The following ASH1L variants were observed in gnomAD, a reference collection of about 807,000 sequenced individuals.
ASH1L encodes the protein histone-lysine N-methyltransferase ASH1L.
A neutral mutation model predicts 269.0 loss-of-function variants in ASH1L; 23 were observed. That is an observed-to-expected ratio of 0.09 (90% confidence interval 0.06 to 0.12). The LOEUF (loss-of-function observed/expected upper bound fraction) is 0.12, where lower values mean the gene tolerates loss of function less well. Ranked by LOEUF, ASH1L falls within the 10% of genes least tolerant of loss-of-function variation. ASH1L has a pLI of 1.00. For missense variants in ASH1L, 2,912 were observed against 3,567.8 expected (o/e 0.82, Z 4.68); for synonymous variants, 1,187 against 1,253.5 (o/e 0.95, Z 1.12).
intron 12 of ASH1L, among the ~76,000 whole-genome samples, chr1:155,362,454 CT>C (rs1349861835): frequency 6.6e-6 from 1 of 150,934 alleles, no homozygotes; most frequent in Non-Finnish European, 1.5e-5. Flanking sequence ...TTACTGAATG[CT>C]TTTTATAACA....
intron 1 of ASH1L, among the ~76,000 whole-genome samples, chr1:155,556,317 G>A (rs1417478945): frequency 1.3e-5 from 2 of 152,118 alleles, no homozygotes; most frequent in African/African-American, 4.8e-5. Flanking sequence ...AGGATCAACT[G>A]AGCCTGGGAA....
chr1:155,343,769 A>T lies in ASH1L; in HGVS notation c.7982-27T>A. 1 of 1,608,998 alleles carries T rather than the reference A, an allele frequency of 6.2e-7. No homozygotes were observed. Among genetic ancestry groups the T allele is most frequent in the Non-Finnish European group, 8.5e-7 (1 of 1,178,068 alleles). On this transcript the variant is annotated intron_variant, in intron 22 of 27. Transcript: ENST00000392403. The surrounding 1 kb of genome is among the most constrained non-coding windows in gnomAD (Gnocchi z 6.1). ...TAGGAAGACCCAGAACACAGAAGAA[A>T]CATAAAACAATTCTTGTATGAATTC...
At chr1:155,475,806 C>CAA (rs1665491939) in intron 3 of ASH1L, among the ~76,000 whole-genome samples, 1 of 152,228 alleles carries the variant, frequency 6.6e-6, no homozygotes, top group African/African-American at 2.4e-5. Flanking sequence ...GGATCACCTT[C>CAA]TCAGGAAAGA....
intron 24 of ASH1L, 130 bp from the exon 25 acceptor site, chr1:155,342,232 G>T: frequency 1.3e-6 from 1 of 781,858 alleles, no homozygotes. Context: ...ATGTAGAGAG[G>T]CAGGACAACT....
intron 5 of ASH1L, among the ~76,000 whole-genome samples, chr1:155,434,544 ATCT>A (rs1661921145): frequency 6.6e-6 from 1 of 150,704 alleles, no homozygotes; most frequent in South Asian, 2.1e-4. Context: ...AGACCCTAAG[ATCT>A]AACAGTATAT....
At chr1:155,556,850 G>A (rs1671630399) in intron 1 of ASH1L, among the ~76,000 whole-genome samples, 1 of 151,976 alleles carries the variant, frequency 6.6e-6, no homozygotes, top group African/African-American at 2.4e-5. Flanking sequence ...AGACCAGTGG[G>A]GGCAACACGG....
At chr1:155,390,771 G>C (rs1053619217) in intron 7 of ASH1L, among the ~76,000 whole-genome samples, 1 of 151,480 alleles carries the variant, frequency 6.6e-6, no homozygotes, top group African/African-American at 2.4e-5. Context: ...TCAGCCTCCT[G>C]AGTAGCTGGG....
At chr1:155,380,911 A>G (rs111273637) in intron 7 of ASH1L, among the ~76,000 whole-genome samples, 7,152 of 151,444 alleles carry the variant, frequency 0.047, 587 homozygotes, top group African/African-American at 0.17. Flanking sequence ...AAGTGCTGGG[A>G]TTACAGGCAT....
intron 2 of ASH1L, among the ~76,000 whole-genome samples, chr1:155,513,319 C>A (rs1273402238): frequency 5.9e-5 from 9 of 151,958 alleles, no homozygotes; most frequent in African/African-American, 1.7e-4. Flanking sequence ...TAAATCCTAG[C>A]ACTTTGGGAG....
intron 5 of ASH1L, among the ~76,000 whole-genome samples, chr1:155,416,237 TCTC>T (rs1660196535): frequency 6.6e-6 from 1 of 151,906 alleles, no homozygotes; most frequent in Non-Finnish European, 1.5e-5. Context: ...TTCAAGCAAT[TCTC>T]CTGCCTCAGC....
At chr1:155,389,542 G>A (rs1050346350) in intron 7 of ASH1L, among the ~76,000 whole-genome samples, 5 of 151,746 alleles carry the variant, frequency 3.3e-5, no homozygotes, top group Admixed American at 1.3e-4. Context: ...GCATGGTGGC[G>A]CATGCCTGCA....
At chr1:155,413,758 A>G (rs1382067285) in intron 6 of ASH1L, among the ~76,000 whole-genome samples, 1 of 152,198 alleles carries the variant, frequency 6.6e-6, no homozygotes, top group African/African-American at 2.4e-5. Context: ...GCTGAGATAG[A>G]AGGGAGAAAA....
intron 4 of ASH1L, among the ~76,000 whole-genome samples, chr1:155,452,710 A>G (rs747885419): frequency 2.0e-4 from 31 of 151,898 alleles, no homozygotes; most frequent in Non-Finnish European, 4.4e-4. Flanking sequence ...GTGCGTGACC[A>G]TGTCTGGCTA....
chr1:155,437,543 G>A (rs1020738232), intron 5 of ASH1L, among the ~76,000 whole-genome samples: 1 of 152,128 alleles, frequency 6.6e-6, no homozygotes, highest in African/African-American at 2.4e-5. Context: ...AAAACAGTAT[G>A]GCAGTTCCTC....
intron 16 of ASH1L, 110 bp from the exon 17 acceptor site, chr1:155,352,968 G>T: frequency 1.0e-6 from 1 of 968,628 alleles, no homozygotes; most frequent in South Asian, 1.8e-5. Flanking sequence ...AAGTGATTAG[G>T]TAGATTAGTG....
chr1:155,502,566 C>T (rs1455935324), intron 2 of ASH1L, among the ~76,000 whole-genome samples: 1 of 152,056 alleles, frequency 6.6e-6, no homozygotes, highest in Non-Finnish European at 1.5e-5. Context: ...AAAAGATCAC[C>T]CTGACACTGA....
At chr1:155,471,443 A>T (rs1665090734) in intron 3 of ASH1L, among the ~76,000 whole-genome samples, 2 of 152,218 alleles carry the variant, frequency 1.3e-5, no homozygotes, top group Non-Finnish European at 2.9e-5. Context: ...AAATTGAATT[A>T]AAAAACATGG....
intron 27 of ASH1L, 71 bp from the exon 28 acceptor site, chr1:155,337,822 G>A: frequency 7.2e-7 from 1 of 1,398,058 alleles, no homozygotes. Context: ...TGAGCTCTAA[G>A]GAGAGCACAC....
At chr1:155,408,606 C>T (rs944040970) in intron 6 of ASH1L, among the ~76,000 whole-genome samples, 1 of 152,238 alleles carries the variant, frequency 6.6e-6, no homozygotes, top group East Asian at 1.9e-4. Flanking sequence ...CAGGGAAGTG[C>T]TCAAAGATAA....
Sources: gnomAD v4.1 joint callset for allele counts (sites outside exome capture counted in the v4.1 genomes callset) on GRCh38, gnomAD v4.1.1 for gene constraint, Gnocchi (gnomAD v3.1) non-coding constraint, MANE v1.5 for transcripts, NCBI Gene and HGNC (gene_info 2026-07-23, HGNC 2026-07-21) for gene names.